NLGN4Y: variants seen among roughly 807,000 people sequenced by gnomAD.
NLGN4Y encodes neuroligin-4, Y-linked.
Under a neutral mutation model 8.4 loss-of-function variants are expected in NLGN4Y, and 4 were observed. The ratio of observed to expected loss-of-function variants is 0.48; its 90% CI spans 0.23 to 1.09. The LOEUF (loss-of-function observed/expected upper bound fraction) is 1.09, where lower values mean the gene tolerates loss of function less well. NLGN4Y is among the 50% of genes least tolerant of loss of function. The pLI is 0.19. For missense variants in NLGN4Y, 90 were observed against 192.3 expected (o/e 0.47, Z 3.15); for synonymous variants, 35 against 75.6 (o/e 0.46, Z 2.78).
At chrY:14,661,339 A>C (rs759985307) in intron 2 of NLGN4Y, among the ~76,000 whole-genome samples, 1 of 32,910 alleles carries the variant, frequency 3.0e-5, no homozygotes, top group East Asian at 8.3e-4. Flanking sequence ...GGAGACTCAA[A>C]CAGGGGAAAG....
chrY:14,584,311 A>G, intron 1 of NLGN4Y, among the ~76,000 whole-genome samples: 2 of 32,495 alleles, frequency 6.2e-5, no homozygotes, highest in Non-Finnish European at 1.5e-4. Context: ...AAATCTTTTT[A>G]GAAACAAGGT....
intron 1 of NLGN4Y, among the ~76,000 whole-genome samples, chrY:14,527,656 C>T: frequency 3.0e-5 from 1 of 33,428 alleles, no homozygotes; most frequent in Non-Finnish European, 7.4e-5. Flanking sequence ...ATTTCTTAAA[C>T]CCCTGAGCTA....
At chrY:14,816,366 C>T (rs868391980) in intron 4 of NLGN4Y, among the ~76,000 whole-genome samples, 2 of 33,664 alleles carry the variant, frequency 5.9e-5, no homozygotes, top group South Asian at 6.6e-4. Flanking sequence ...TACCTTTTCT[C>T]CTTCATCTTT....
intron 1 of NLGN4Y, among the ~76,000 whole-genome samples, chrY:14,591,688 G>A (rs764110877): frequency 9.2e-4 from 31 of 33,608 alleles, no homozygotes; most frequent in Admixed American, 2.7e-3. Flanking sequence ...ACACTGATGC[G>A]TTGGTAGGTG....
chrY:14,804,331 A>C, intron 4 of NLGN4Y, among the ~76,000 whole-genome samples: 1 of 32,825 alleles, frequency 3.0e-5, no homozygotes, highest in African/African-American at 1.2e-4. Context: ...GAAACTTATA[A>C]TTCTTTTCAG....
At chrY:14,612,517 T>C (rs2080473429) in intron 1 of NLGN4Y, among the ~76,000 whole-genome samples, 2 of 34,112 alleles carry the variant, frequency 5.9e-5, no homozygotes, top group East Asian at 1.6e-3. Flanking sequence ...TATTGCTTTC[T>C]GTTCGTTTGT....
chrY:14,774,215 C>A, intron 4 of NLGN4Y, among the ~76,000 whole-genome samples: 1 of 33,454 alleles, frequency 3.0e-5, no homozygotes, highest in Non-Finnish European at 7.4e-5. Context: ...CCAGAGTGAA[C>A]AGGCAACCTA....
At chrY:14,545,598 C>T (rs2080169899) in intron 1 of NLGN4Y, among the ~76,000 whole-genome samples, 1 of 33,299 alleles carries the variant, frequency 3.0e-5, no homozygotes, top group African/African-American at 1.2e-4. Flanking sequence ...AGTGTCTGTT[C>T]GTGTCCTTCG....
chrY:14,640,316 T>C, intron 2 of NLGN4Y: 2 of 127,189 alleles, frequency 1.6e-5, no homozygotes. Context: ...AGCTTTTCTA[T>C]GATCCCAGGA....
intron 1 of NLGN4Y, among the ~76,000 whole-genome samples, chrY:14,582,263 T>G: frequency 3.0e-5 from 1 of 33,596 alleles, no homozygotes; most frequent in Non-Finnish European, 7.3e-5. Flanking sequence ...TTCCTTTATC[T>G]GTTATGGGTT....
chrY:14,687,676 A>T, intron 2 of NLGN4Y, among the ~76,000 whole-genome samples: 1 of 33,043 alleles, frequency 3.0e-5, no homozygotes, highest in Non-Finnish European at 7.5e-5. Flanking sequence ...TGGGAGCTAC[A>T]ATTCAATATG....
At chrY:14,801,797 C>T (rs572872549) in intron 4 of NLGN4Y, among the ~76,000 whole-genome samples, 78 of 32,616 alleles carry the variant, frequency 2.4e-3, no homozygotes, top group African/African-American at 8.6e-3. Flanking sequence ...ACTTCCATTA[C>T]GTGTGGCGGT....
At chrY:14,639,727 G>A in intron 2 of NLGN4Y, 2 of 150,165 alleles carry the variant, frequency 1.3e-5, no homozygotes. Flanking sequence ...GGCCTTCGAT[G>A]GGGACCCTTC....
At chrY:14,559,549 A>T in intron 1 of NLGN4Y, among the ~76,000 whole-genome samples, 1 of 33,011 alleles carries the variant, frequency 3.0e-5, no homozygotes, top group Non-Finnish European at 7.5e-5. Context: ...TTTGTTATCA[A>T]GTGTCTGTTT....
At chrY:14,801,164 A>C in intron 4 of NLGN4Y, 1 of 32,878 alleles carries the variant, frequency 3.0e-5, no homozygotes, top group Non-Finnish European at 7.5e-5. Flanking sequence ...TAAGAAAATC[A>C]TTATTTTGTG....
intron 2 of NLGN4Y, among the ~76,000 whole-genome samples, chrY:14,630,409 G>T (rs767850601): frequency 3.9e-4 from 13 of 33,309 alleles, no homozygotes; most frequent in Admixed American, 3.6e-3. Context: ...CAACAGCCCT[G>T]CTGACACCTC....
chrY:14,717,733 T>C (rs2080920834), intron 2 of NLGN4Y, among the ~76,000 whole-genome samples: 1 of 33,498 alleles, frequency 3.0e-5, no homozygotes, highest in Non-Finnish European at 7.3e-5. Context: ...ACAGCTAATT[T>C]GGAAAATAAT....
rs750235165 is a variant in NLGN4Y, at chrY:14,750,089, G to A, written c.685+26820G>A. On this transcript the variant is annotated intron_variant, in intron 4 of 6. Coordinates refer to ENST00000684976, the MANE Select transcript of NLGN4Y (RefSeq NM_001365588.1). Reference sequence around the variant, plus strand: ...TTCATATCTGAGATTCAGTGAATTCGAGGCTATTCTTCACCTGCTGCAATT... The same window carrying A: ...TTCATATCTGAGATTCAGTGAATTCAAGGCTATTCTTCACCTGCTGCAATT... Among the ~76,000 whole-genome samples, 9 of 32,955 alleles carry A rather than the reference G, an allele frequency of 2.7e-4. No individual in the cohort carries two copies. The East Asian group carries it at 6.3e-3, about 23-fold the overall frequency. The allele number at this position is 32,955 out of a possible 37,273, so 88.4% of individuals were successfully genotyped here.
intron 2 of NLGN4Y, among the ~76,000 whole-genome samples, chrY:14,624,443 A>G: frequency 3.0e-5 from 1 of 33,790 alleles, no homozygotes. Flanking sequence ...TTTGGGGAGT[A>G]TAACTCTGTG....
Sources: gnomAD v4.1 joint callset for allele counts (sites outside exome capture counted in the v4.1 genomes callset) on GRCh38, gnomAD v4.1.1 for gene constraint, MANE v1.5 for transcripts, NCBI Gene and HGNC (gene_info 2026-07-23, HGNC 2026-07-21) for gene names.